ENPP2: variants seen among roughly 807,000 people sequenced by gnomAD.
ENPP2 encodes the protein ectonucleotide pyrophosphatase/phosphodiesterase 2, also known as autotaxin.
Under a neutral mutation model 120.2 loss-of-function variants are expected in ENPP2, and 51 were observed. That is an observed-to-expected ratio of 0.42 (90% CI 0.34 to 0.54). ENPP2 has a LOEUF of 0.54. ENPP2 is among the 20% of genes least tolerant of loss of function. The probability of loss-of-function intolerance (pLI) is 0.04; values close to 1 mark genes in which losing one functional copy is unlikely to be tolerated. For missense variants in ENPP2, 920 were observed against 1,066.5 expected (o/e 0.86, Z 1.91); for synonymous variants, 365 against 366.4 (o/e 1.00, Z 0.04).
chr8:119,648,711 AAG>A (rs1414251828), intron 1 of ENPP2, among the ~76,000 whole-genome samples: 1 of 152,228 alleles, frequency 6.6e-6, no homozygotes, highest in African/African-American at 2.4e-5. Context: ...ACAAACTAGG[AAG>A]AGAGGACAAC....
At chr8:119,617,389 C>T (rs1162683696) in intron 6 of ENPP2, 77 bp downstream of exon 6, 17 of 1,196,208 alleles carry the variant, frequency 1.4e-5, no homozygotes, top group Non-Finnish European at 1.7e-5. Flanking sequence ...GCCCATAGAT[C>T]TCAAAGCCCA....
At chr8:119,627,214 G>A (rs1028453219) in intron 2 of ENPP2, among the ~76,000 whole-genome samples, 4 of 151,926 alleles carry the variant, frequency 2.6e-5, no homozygotes, top group Non-Finnish European at 4.4e-5. Flanking sequence ...AGAACAGAAC[G>A]AATATATGAG....
At chr8:119,615,658 A>T (rs572796824) in intron 8 of ENPP2, among the ~76,000 whole-genome samples, 36 of 152,314 alleles carry the variant, frequency 2.4e-4, no homozygotes, top group African/African-American at 6.5e-4. Context: ...TAGATTAAAT[A>T]AAAAAATTCA....
intron 12 of ENPP2, chr8:119,592,970 GA>G (rs1341999738): frequency 2.0e-6 from 2 of 981,748 alleles, no homozygotes; most frequent in African/African-American, 3.5e-5. Flanking sequence ...TTCATCCTCC[GA>G]ACTCCACTAG....
intron 19 of ENPP2, among the ~76,000 whole-genome samples, chr8:119,575,948 C>A (rs150436128): frequency 1.3e-5 from 2 of 152,166 alleles, no homozygotes; most frequent in African/African-American, 4.8e-5. Context: ...CAGATACACA[C>A]GCAGACACAA....
At chr8:119,590,483 A>G in intron 13 of ENPP2, 22 bp downstream of exon 13, 1 of 1,575,182 alleles carries the variant, frequency 6.3e-7, no homozygotes, top group Non-Finnish European at 8.6e-7. Flanking sequence ...CTAACCACTT[A>G]ATATTTTAAG....
chr8:119,578,982 T>C (rs1812539163), intron 19 of ENPP2, among the ~76,000 whole-genome samples: 1 of 152,216 alleles, frequency 6.6e-6, no homozygotes, highest in Non-Finnish European at 1.5e-5. Context: ...AGCTAATAAC[T>C]CAAGCGATGC....
chr8:119,634,919 G>A (rs559261753), intron 2 of ENPP2, among the ~76,000 whole-genome samples: 1 of 152,222 alleles, frequency 6.6e-6, no homozygotes, highest in Admixed American at 6.5e-5. Flanking sequence ...TGAAAAATCT[G>A]TACCCTCCTT....
chr8:119,616,904 T>C (rs1815494953), intron 7 of ENPP2, among the ~76,000 whole-genome samples: 1 of 152,170 alleles, frequency 6.6e-6, no homozygotes, highest in Admixed American at 6.5e-5. Context: ...GACCCTCTGG[T>C]ATTTGAGAGA....
intron 2 of ENPP2, among the ~76,000 whole-genome samples, chr8:119,627,478 A>G (rs1327924074): frequency 6.6e-6 from 1 of 152,166 alleles, no homozygotes; most frequent in East Asian, 1.9e-4. Flanking sequence ...AAATGATAAA[A>G]TAGCTAGGTA....
intron 1 of ENPP2, among the ~76,000 whole-genome samples, chr8:119,657,015 C>T (rs1328492201): frequency 6.6e-6 from 1 of 152,120 alleles, no homozygotes; most frequent in Non-Finnish European, 1.5e-5. Context: ...GCAACCTCTG[C>T]CTCCCAGTTT....
In ENPP2 at chr8:119,586,328, G is replaced by A. The variant is rs569856356; in HGVS notation, c.1240-15C>T. On this transcript the variant is annotated splice_polypyrimidine_tract_variant and intron_variant, in intron 14 of 24. Transcript: ENST00000075322. ...GGTTTTTTACACTGAAATAGAAATG[G>A]AAATCAGACTTCAGATGGAATGTCT... is the stretch of plus-strand genomic sequence containing the variant. The A allele has an allele frequency of 5.2e-5, 84 of 1,612,248 alleles. 1 individual carries two copies. The South Asian group carries it at 8.8e-4, about 17-fold the overall frequency.
intron 9 of ENPP2, among the ~76,000 whole-genome samples, chr8:119,607,677 A>G (rs1241376217): frequency 6.6e-6 from 1 of 151,596 alleles, no homozygotes; most frequent in East Asian, 1.9e-4. Context: ...TCCATCTCAA[A>G]AAAAAAAAAA....
chr8:119,663,060 C>T (rs186951408), intron 1 of ENPP2, among the ~76,000 whole-genome samples: 22 of 147,918 alleles, frequency 1.5e-4, no homozygotes, highest in African/African-American at 4.0e-4. Flanking sequence ...GAGGTTCCAG[C>T]GAGCCAAAAT....
rs73712203 is a variant in ENPP2, at chr8:119,644,848, C to T, written c.22-6321G>A. Among the ~76,000 whole-genome samples the T allele has an allele frequency of 3.1e-3, 475 of 151,698 alleles. 3 individuals carry two copies. Among genetic ancestry groups the T allele is most frequent in the African/African-American group, 0.011 (459 of 41,384 alleles). On this transcript the variant is annotated intron_variant, in intron 1 of 25. Coordinates refer to the ENPP2 transcript ENST00000427067. ...CTATTTCTTTTCAGCTACTCTAAAC[C>T]CTGCATGCTAAGTGTCCAGATGAAT...
At chr8:119,587,145 A>C in intron 13 of ENPP2, 70 bp from the exon 14 acceptor site, 3 of 1,254,804 alleles carry the variant, frequency 2.4e-6, no homozygotes, top group Non-Finnish European at 3.4e-6. Flanking sequence ...TTTTTGCAGC[A>C]AGATACTCAA....
chr8:119,600,879 G>T, intron 10 of ENPP2, 129 bp from the exon 11 acceptor site: 4 of 616,618 alleles, frequency 6.5e-6, no homozygotes, highest in Non-Finnish European at 1.1e-5. Context: ...TACTATTCAT[G>T]TTAGCATGAA....
intron 17 of ENPP2, 44 bp from the exon 18 acceptor site, chr8:119,582,646 T>C: frequency 1.5e-6 from 2 of 1,359,590 alleles, no homozygotes; most frequent in South Asian, 1.2e-5. Flanking sequence ...CTTATATTTT[T>C]TTGATGAGAT....
chr8:119,582,429 C>T lies in ENPP2; in HGVS notation c.1717G>A (p.Val573Ile). The T allele has an allele frequency of 6.2e-7, 1 of 1,613,476 alleles. No homozygotes were observed. The highest frequency in any genetic ancestry group is 8.5e-7 in the Non-Finnish European group (1 of 1,179,628). Reference protein sequence around the residue: ...FDLGCTCDDKVEPKNKLDELN... With the variant: ...FDLGCTCDDKIEPKNKLDELN... ...AAGATTATTTCTACCTTTGGCTCTA[C>T]CTTATCATCACAAGTGCAGCCCAGG... The change falls in exon 18 of 25, where the codon GTA becomes ATA. Residue 573 changes from valine to isoleucine, a missense_variant. Physicochemically the swap from Val to Ile is conservative, Grantham distance 29. Coordinates refer to ENST00000075322, the MANE Select transcript of ENPP2 (RefSeq NM_001040092.3).
Sources: gnomAD v4.1 joint callset for allele counts (sites outside exome capture counted in the v4.1 genomes callset) on GRCh38, gnomAD v4.1.1 for gene constraint, MANE v1.5 for transcripts, NCBI Gene and HGNC (gene_info 2026-07-23, HGNC 2026-07-21) for gene names.